DNAH2: variants seen among roughly 807,000 people sequenced by gnomAD.
The protein encoded by DNAH2 is dynein axonemal heavy chain 2.
Under a neutral mutation model 523.5 loss-of-function variants are expected in DNAH2, and 323 were observed. That is an observed-to-expected ratio of 0.62 (90% CI 0.56 to 0.68). The LOEUF is 0.68. Among genes scored for constraint, DNAH2 ranks in the 30% least tolerant of loss-of-function variants. DNAH2 has a pLI of 0.00. For synonymous variants in DNAH2, 2,093 were observed against 2,177.4 expected (o/e 0.96, Z 1.08); for missense variants, 4,907 against 5,701.5 (o/e 0.86, Z 4.49).
intron 85 of DNAH2, 36 bp downstream of exon 85, chr17:7,833,257 G>A (rs201403293): frequency 3.7e-6 from 6 of 1,606,722 alleles, no homozygotes; most frequent in Admixed American, 3.3e-5. Flanking sequence ...TGCCTGCCCC[G>A]TCCCTAGTTT....
intron 12 of DNAH2, among the ~76,000 whole-genome samples, chr17:7,749,912 G>T (rs1056959254): frequency 6.6e-6 from 1 of 152,076 alleles, no homozygotes; most frequent in Non-Finnish European, 1.5e-5. Flanking sequence ...GGAGAATCTC[G>T]CTTGAACCCG....
At chr17:7,789,472 G>C (rs1045988547) in intron 44 of DNAH2, among the ~76,000 whole-genome samples, 4 of 152,194 alleles carry the variant, frequency 2.6e-5, no homozygotes, top group African/African-American at 9.7e-5. Flanking sequence ...TGGTGAGATG[G>C]GTTGTGTGCT....
At chr17:7,822,454 C>T (rs897618582) in intron 73 of DNAH2, among the ~76,000 whole-genome samples, 2 of 152,182 alleles carry the variant, frequency 1.3e-5, no homozygotes, top group Admixed American at 1.3e-4. Flanking sequence ...TACTCCCCGG[C>T]GTGTGCACCT....
intron 22 of DNAH2, 92 bp from the exon 23 acceptor site, chr17:7,767,808 T>C (rs982430289): frequency 5.2e-6 from 8 of 1,549,472 alleles, no homozygotes; most frequent in African/African-American, 2.7e-5. Context: ...GAGGGGAAGC[T>C]TCACAGAGCG....
intron 8 of DNAH2, 51 bp from the exon 9 acceptor site, chr17:7,739,682 C>A: frequency 6.4e-7 from 1 of 1,553,244 alleles, no homozygotes; most frequent in Non-Finnish European, 8.8e-7. Context: ...TAGCTTAGGA[C>A]TTTGGAGTTT....
In DNAH2 at chr17:7,831,377, C is replaced by T. The variant is rs775666580; in HGVS notation, c.12460-13C>T. 2 of 1,614,100 alleles carry T rather than the reference C, an allele frequency of 1.2e-6. No homozygotes were observed. The highest frequency in any genetic ancestry group is 1.1e-5 in the South Asian group (1 of 91,082). On this transcript the variant is annotated splice_polypyrimidine_tract_variant and intron_variant, in intron 80 of 85. Coordinates refer to ENST00000572933, the MANE Select transcript of DNAH2 (RefSeq NM_020877.5). The surrounding 1 kb of genome is among the most constrained non-coding windows in gnomAD (Gnocchi z 4.2). ...GAAGAGGGGGCTACACTCAAGAGCT[C>T]CTGCCTGCTCAGGTCCTTGAGTTGG... is the stretch of plus-strand genomic sequence containing the variant.
rs1281679704 is a variant in DNAH2 at position 7,780,647 on chromosome 17, G to A, written c.5868G>A (p.Val1956=). The A allele has an allele frequency of 1.9e-6, 3 of 1,614,122 alleles. No homozygotes were observed. The highest frequency in any genetic ancestry group is 1.1e-5 in the South Asian group (1 of 91,084). ...FGNCKILAKK[V]YTLYSLAVQQ... is the part of the protein sequence containing the mutation. ...TTCCCCAGATTCTGGCCAAGAAGGT[G>A]TACACACTCTACTCACTGGCTGTGC... Residue 1956 remains valine, a synonymous_variant, in exon 38 of 86, where the codon GTG becomes GTA. Transcript: ENST00000572933. The surrounding 1 kb of genome is among the most constrained non-coding windows in gnomAD (Gnocchi z 4.4).
In DNAH2 at chr17:7,786,928, C is replaced by T. The variant is rs576012683; in HGVS notation, c.6498C>T (p.Phe2166=). The T allele has an allele frequency of 3.6e-5, 58 of 1,614,172 alleles. No individual in the cohort carries two copies. In the South Asian group the frequency reaches 5.5e-4, roughly 15 times the overall value. Residue 2166 remains phenylalanine (F), a synonymous_variant, in exon 42 of 86, where the codon TTC becomes TTT. Transcript: ENST00000572933. This position sits in a 1 kb window ranked among gnomAD's most constrained non-coding sequence, Gnocchi z 7.5. ...AACCCGACGAGAAGTGGATCCTGTT[C>T]GATGGCCCCGTGGACACACTGTGGA... The part of the protein sequence containing the change: ...DEKPDEKWIL[F]DGPVDTLWIE...
chr17:7,775,805 C>A (rs2076436017), intron 30 of DNAH2, among the ~76,000 whole-genome samples: 7 of 151,906 alleles, frequency 4.6e-5, no homozygotes, highest in Admixed American at 4.6e-4. Context: ...CCATTCCTGA[C>A]AATGACCATC....
chr17:7,787,878 G>A lies in DNAH2; in HGVS notation c.6622G>A (p.Val2208Met). 1 of 1,614,000 alleles carries A rather than the reference G, an allele frequency of 6.2e-7. No homozygotes were observed. Among genetic ancestry groups the A allele is most frequent in the Non-Finnish European group, 8.5e-7 (1 of 1,179,910 alleles). The part of the protein sequence containing the change: ...MPEQVSLLFE[V>M]EDLAMASPAT... Reference sequence around the variant, plus strand: ...TCCTTAGGTGTCTCTCCTGTTTGAAGTGGAGGACCTGGCAATGGCCTCTCC... The same window carrying A: ...TCCTTAGGTGTCTCTCCTGTTTGAAATGGAGGACCTGGCAATGGCCTCTCC... The change falls in exon 43 of 86, where the codon GTG (valine) becomes ATG (methionine). Residue 2208 changes from valine (V) to methionine (M), a missense_variant. Physicochemically the swap from Val to Met is conservative, Grantham distance 21 (BLOSUM62 1). Coordinates refer to ENST00000572933, the MANE Select transcript of DNAH2 (RefSeq NM_020877.5).
chr17:7,745,509 G>T (rs1031425719), intron 12 of DNAH2, among the ~76,000 whole-genome samples: 8 of 152,036 alleles, frequency 5.3e-5, no homozygotes, highest in African/African-American at 1.9e-4. Context: ...TGAAATAAAA[G>T]TTAAATTTAA....
rs138429105 is a variant in DNAH2, at chr17:7,814,954, G to A, written c.9730-1617G>A. On this transcript the variant is annotated intron_variant, in intron 63 of 85. Transcript: ENST00000572933. ...CCTGTAACCTCTTTTATATCATTTAGGTTTTAACCTCGTGCATGTATGTCT... is the reference window on the plus strand; with the variant it reads ...CCTGTAACCTCTTTTATATCATTTAAGTTTTAACCTCGTGCATGTATGTCT... Among the ~76,000 whole-genome samples the A allele has an allele frequency of 6.5e-3, 986 of 152,252 alleles. 10 individuals are homozygous for A. The highest frequency in any genetic ancestry group is 0.011 in the Non-Finnish European group (724 of 68,014).
chr17:7,830,700 G>A lies in DNAH2; in HGVS notation c.12088G>A (p.Glu4030Lys). The A allele has an allele frequency of 6.2e-7, 1 of 1,614,208 alleles. No individual in the cohort carries two copies. Among genetic ancestry groups the A allele is most frequent in the African/African-American group, 1.3e-5 (1 of 75,052 alleles). The change falls in exon 79 of 86, where the codon GAG becomes AAG. Residue 4030 changes from glutamate to lysine, a missense_variant. This residue lies in a region of DNAH2 where 1,851 missense variants were observed against 2,139.4 expected (regional missense o/e 0.87). Coordinates refer to ENST00000572933, the MANE Select transcript of DNAH2 (RefSeq NM_020877.5). ...GAGCCTCTATCTCGATGAGTACGAG[G>A]AGACACCTTGGGACGCACTTAAGTA... ...LLSLYLDEYEETPWDALKYLI... is the reference protein window; with the variant it reads ...LLSLYLDEYEKTPWDALKYLI...
Position 7,781,065 on chromosome 17 carries a change from T to C in DNAH2, c.6027T>C (p.Asp2009=). The change falls in exon 39 of 86, where the codon GAT becomes GAC. Residue 2009 remains aspartate, a synonymous_variant. Transcript: ENST00000572933. Reference sequence around the variant, plus strand: ...AGGTTCTGCTGCTCTCAATGAGAGATATGAACATCGCCAAGCTCACTTCAG... The same window carrying C: ...AGGTTCTGCTGCTCTCAATGAGAGACATGAACATCGCCAAGCTCACTTCAG... ...DEEVLLLSMR[D]MNIAKLTSVD... 6.2e-7 allele frequency: 1 copy of C among 1,614,224 alleles called. No homozygotes were observed. Among genetic ancestry groups the C allele is most frequent in the Non-Finnish European group, 8.5e-7 (1 of 1,180,050 alleles).
chr17:7,793,922 GAA>G (rs2076991804), intron 48 of DNAH2, among the ~76,000 whole-genome samples: 1 of 151,970 alleles, frequency 6.6e-6, no homozygotes, highest in Non-Finnish European at 1.5e-5. Flanking sequence ...TTTAAAAGAA[GAA>G]AAAGAGAAAA....
Position 7,764,139 on chromosome 17 carries a change from C to G in DNAH2, c.3202C>G (p.Leu1068Val). ...CAGAATCAGCCGCCCTCCGCAGACA[C>G]TGGAGGAACTGGGGGTCAGCTTGCA... is the stretch of plus-strand genomic sequence containing the variant. ...AEKISRPPQT[L>V]EELGVSLQLV... The change falls in exon 20 of 86, where the codon CTG becomes GTG. Residue 1068 changes from leucine (L) to valine (V), a missense_variant. By Grantham distance (32) the Leu-to-Val change is conservative. Transcript: ENST00000572933. 6.2e-7 allele frequency: 1 copy of G among 1,614,238 alleles called. No individual in the cohort carries two copies. Among genetic ancestry groups the G allele is most frequent in the South Asian group, 1.1e-5 (1 of 91,088 alleles).
In DNAH2 at chr17:7,778,391, C is replaced by T. The variant is rs772519767; in HGVS notation, c.5463C>T (p.Gly1821=). The stretch of plus-strand genomic sequence containing the variant: ...TCAAGGACCTGGGCAAGGCCCTGGG[C>T]ATATATGTCATTGTGGTCAACTGCT... ...ETVKDLGKAL[G]IYVIVVNCSE... Residue 1821 remains glycine (G), a synonymous_variant, in exon 35 of 86, where the codon GGC becomes GGT. Transcript: ENST00000572933. The T allele has an allele frequency of 1.9e-6, 3 of 1,614,224 alleles. No homozygotes were observed. In the South Asian group the frequency reaches 3.3e-5, roughly 18 times the overall value.
In DNAH2 at chr17:7,805,402, G is replaced by A. The variant is rs532908167; in HGVS notation, c.9442+9G>A. ...GGCCAAGAGGCAGCTAGGTAAGCTA[G>A]AGACAATGAAATCAATGACTTCCAC... On this transcript the variant is annotated intron_variant, in intron 61 of 85. Coordinates refer to ENST00000572933, the MANE Select transcript of DNAH2 (RefSeq NM_020877.5). 1 of 1,614,104 alleles carries A rather than the reference G, an allele frequency of 6.2e-7. No homozygotes were observed. The highest frequency in any genetic ancestry group is 1.3e-5 in the African/African-American group (1 of 75,076).
intron 17 of DNAH2, 28 bp downstream of exon 17, chr17:7,759,966 G>C (rs946978708): frequency 6.2e-7 from 1 of 1,613,898 alleles, no homozygotes; most frequent in African/African-American, 1.3e-5. Context: ...AGGGCACAAG[G>C]CACAGGGTTT....
Sources: allele counts gnomAD v4.1 joint callset (sites outside exome capture counted in the v4.1 genomes callset), GRCh38; gene constraint gnomAD v4.1.1; regional missense constraint gnomAD v4.1.1; non-coding constraint Gnocchi (gnomAD v3.1); transcripts MANE v1.5; gene names NCBI Gene and HGNC (gene_info 2026-07-23, HGNC 2026-07-21).